Variants in STK32B observed in about 807,000 individuals in gnomAD.
STK32B encodes serine/threonine kinase 32B, also known as serine/threonine-protein kinase 32B.
STK32B carries 43 observed loss-of-function variants against 52.6 expected under a neutral mutation model. The observed-to-expected ratio is 0.82, with a 90% CI of 0.64 to 1.05. The LOEUF (loss-of-function observed/expected upper bound fraction) is 1.05. STK32B is among the 50% of genes least tolerant of loss of function. The pLI is 0.00. For synonymous variants in STK32B, 238 were observed against 204.3 expected (o/e 1.17, Z -1.41); for missense variants, 621 against 534.6 (o/e 1.16, Z -1.59).
At chr4:5,307,211 T>C (rs1386349665) in intron 3 of STK32B, among the ~76,000 whole-genome samples, 1 of 152,206 alleles carries the variant, frequency 6.6e-6, no homozygotes, top group Non-Finnish European at 1.5e-5. Context: ...AAGTTTTCCT[T>C]GATTATTGCC....
At chr4:5,349,157 C>T in intron 4 of STK32B, among the ~76,000 whole-genome samples, 1 of 152,156 alleles carries the variant, frequency 6.6e-6, no homozygotes, top group Admixed American at 6.5e-5. Flanking sequence ...CCTGAGAAAG[C>T]CACCTAGAGG....
At chr4:5,401,616 C>T (rs1341269902) in intron 5 of STK32B, among the ~76,000 whole-genome samples, 1 of 151,990 alleles carries the variant, frequency 6.6e-6, no homozygotes, top group Non-Finnish European at 1.5e-5. Flanking sequence ...AGAGATACCA[C>T]GCATTGAGGT....
chr4:5,435,314 G>A (rs531947493), intron 6 of STK32B, among the ~76,000 whole-genome samples: 5 of 152,294 alleles, frequency 3.3e-5, no homozygotes, highest in African/African-American at 9.6e-5. Flanking sequence ...CATAACCACA[G>A]CCTACCACGA....
chr4:5,481,549 G>A (rs1191695507), intron 11 of STK32B, among the ~76,000 whole-genome samples: 15 of 152,204 alleles, frequency 9.9e-5, no homozygotes, highest in Middle Eastern at 3.4e-3. Context: ...GTTCACTCTG[G>A]TGGTAGTTTC....
Position 5,427,572 on chromosome 4 carries a change from G to A in STK32B, c.562+10638G>A, listed in dbSNP as rs558290822. Reference sequence around the variant, plus strand: ...GGATTCAATTTCTTTAACAGACATGGGACTATTCTGTTTATCTATTTCTTC... The same window carrying A: ...GGATTCAATTTCTTTAACAGACATGAGACTATTCTGTTTATCTATTTCTTC... On this transcript the variant is annotated intron_variant, in intron 6 of 11. Transcript: ENST00000282908. Among the ~76,000 whole-genome samples the A allele has an allele frequency of 6.6e-5, 10 of 152,172 alleles. No individual in the cohort carries two copies. In the South Asian group the frequency reaches 2.1e-3, roughly 32 times the overall value.
At chr4:5,147,724 T>G (rs920147659) in intron 2 of STK32B, among the ~76,000 whole-genome samples, 1 of 152,040 alleles carries the variant, frequency 6.6e-6, no homozygotes, top group African/African-American at 2.4e-5. Flanking sequence ...TTACATTAAT[T>G]TCCAAATTTT....
chr4:5,070,284 C>T (rs976073021), intron 1 of STK32B, among the ~76,000 whole-genome samples: 9 of 151,862 alleles, frequency 5.9e-5, no homozygotes, highest in Admixed American at 1.3e-4. Context: ...TGAGGAGCAG[C>T]GTCCTCTTGT....
intron 3 of STK32B, among the ~76,000 whole-genome samples, chr4:5,218,591 C>G (rs982498552): frequency 6.6e-6 from 1 of 152,192 alleles, no homozygotes; most frequent in Non-Finnish European, 1.5e-5. Flanking sequence ...GTTCTCATTC[C>G]AGACATGCTG....
At chr4:5,344,341 T>A (rs1307725989) in intron 4 of STK32B, among the ~76,000 whole-genome samples, 1 of 152,192 alleles carries the variant, frequency 6.6e-6, no homozygotes, top group Non-Finnish European at 1.5e-5. Flanking sequence ...CTGAAACCTA[T>A]TACATAGTGT....
At chr4:5,092,135 C>G (rs1269376624) in intron 1 of STK32B, among the ~76,000 whole-genome samples, 1 of 152,110 alleles carries the variant, frequency 6.6e-6, no homozygotes, top group African/African-American at 2.4e-5. Context: ...AGATAGAGGT[C>G]CTGGAATTAA....
intron 6 of STK32B, among the ~76,000 whole-genome samples, chr4:5,440,984 A>T (rs1277835715): frequency 1.3e-5 from 2 of 150,096 alleles, no homozygotes; most frequent in African/African-American, 4.9e-5. Context: ...AAGCTTTTTG[A>T]TGTGCTGCTG....
At chr4:5,477,617 G>A (rs551995619) in intron 11 of STK32B, among the ~76,000 whole-genome samples, 13 of 152,300 alleles carry the variant, frequency 8.5e-5, no homozygotes, top group African/African-American at 3.1e-4. Context: ...AGGTCAGCTT[G>A]GAGTGCAGCT....
intron 3 of STK32B, among the ~76,000 whole-genome samples, chr4:5,320,187 G>T (rs1467785120): frequency 6.6e-6 from 1 of 151,956 alleles, no homozygotes; most frequent in Non-Finnish European, 1.5e-5. Flanking sequence ...TCCCCTCCTA[G>T]AGTACAATGA....
intron 4 of STK32B, among the ~76,000 whole-genome samples, chr4:5,379,574 T>C (rs1735801564): frequency 1.3e-5 from 2 of 152,116 alleles, no homozygotes; most frequent in Non-Finnish European, 2.9e-5. Context: ...TGTGATTGCA[T>C]TTGGAGATAG....
rs571184463 is a variant in STK32B at position 5,359,374 on chromosome 4, T to G, written c.434+27981T>G. On this transcript the variant is annotated intron_variant, in intron 4 of 11. Coordinates refer to ENST00000282908, the MANE Select transcript of STK32B (RefSeq NM_018401.3). ...ATCCATCCACTCATCCAACCACTCA[T>G]CCAACCCTCCCTCCCTCCCTCCCTC... is the stretch of plus-strand genomic sequence containing the variant. Among the ~76,000 whole-genome samples, 3 of 137,366 alleles carry G rather than the reference T, an allele frequency of 2.2e-5. No individual in the cohort carries two copies. In the South Asian group the frequency reaches 6.9e-4, roughly 32 times the overall value. The allele number at this position is 137,366 out of a possible 152,430, so 90.1% of individuals were successfully genotyped here. A position where few individuals can be genotyped will look rare whatever the true frequency, so the allele number is the denominator to read the frequency against.
chr4:5,338,804 T>G (rs1445953835), intron 4 of STK32B, among the ~76,000 whole-genome samples: 1 of 152,198 alleles, frequency 6.6e-6, no homozygotes, highest in Non-Finnish European at 1.5e-5. Flanking sequence ...TATCCAGTAA[T>G]TTATGGGAAT....
chr4:5,479,590 C>T (rs1326102976), intron 11 of STK32B, among the ~76,000 whole-genome samples: 1 of 152,180 alleles, frequency 6.6e-6, no homozygotes, highest in East Asian at 1.9e-4. Flanking sequence ...GGAAAAGTTT[C>T]TCAGGACTTG....
In STK32B at chr4:5,378,873, A is replaced by G. The variant is rs1291551044; in HGVS notation, c.435-19334A>G. On this transcript the variant is annotated intron_variant, in intron 4 of 11. Coordinates refer to ENST00000282908, the MANE Select transcript of STK32B (RefSeq NM_018401.3). The surrounding 1 kb of genome is among the most constrained non-coding windows in gnomAD (Gnocchi z 4.4). Reference sequence around the variant, plus strand: ...CTTGTGATCCTGGCACGCTGCTGCCATCCTTGCAGCATTAAAGGCGTCATC... The same window carrying G: ...CTTGTGATCCTGGCACGCTGCTGCCGTCCTTGCAGCATTAAAGGCGTCATC... 2.6e-5 allele frequency among the ~76,000 whole-genome samples: 4 copies of G among 152,150 alleles called. No individual in the cohort carries two copies. The highest frequency in any genetic ancestry group is 5.9e-5 in the Non-Finnish European group (4 of 68,022).
At position 5,381,585 on chromosome 4, in the gene STK32B, C is replaced by T. The variant is rs144403429; in HGVS notation, c.435-16622C>T. ...TGCTAGGGGCTGGCCATCTTTGTCC[C>T]TCCACCATCCTATATGGGACTCTGT... On this transcript the variant is annotated intron_variant, in intron 4 of 11. Transcript: ENST00000282908. 8.8e-4 allele frequency among the ~76,000 whole-genome samples: 134 copies of T among 152,330 alleles called. 1 individual carries two copies. The highest frequency in any genetic ancestry group is 8.2e-3 in the Admixed American group (125 of 15,304).
Sources: allele counts gnomAD v4.1 joint callset (sites outside exome capture counted in the v4.1 genomes callset), GRCh38; gene constraint gnomAD v4.1.1; non-coding constraint Gnocchi (gnomAD v3.1); transcripts MANE v1.5; gene names NCBI Gene and HGNC (gene_info 2026-07-23, HGNC 2026-07-21).